Variants in PRDM5 observed in about 807,000 individuals in gnomAD.
PRDM5 encodes the protein PR/SET domain 5, also known as PR domain zinc finger protein 5.
PRDM5 carries 56 observed loss-of-function variants against 81.2 expected under a neutral mutation model. The observed-to-expected ratio is 0.69, with a 90% CI of 0.56 to 0.86. The LOEUF is 0.86. Ranked by LOEUF, PRDM5 falls within the 40% of genes least tolerant of loss-of-function variation. The pLI is 0.00. For missense variants in PRDM5, 697 were observed against 770.1 expected, an observed-to-expected ratio of 0.91 and a Z score of 1.12; for synonymous variants, 267 against 256.4, an observed-to-expected ratio of 1.04 and a Z score of -0.39.
At chr4:120,900,691 C>A (rs1179964518) in intron 2 of PRDM5, among the ~76,000 whole-genome samples, 3 of 152,132 alleles carry the variant, frequency 2.0e-5, no homozygotes, top group Non-Finnish European at 4.4e-5. Flanking sequence ...AACTCATCTG[C>A]TATGTACACT....
chr4:120,922,638 TCAA>T lies in PRDM5; in HGVS notation c.-33_-31del. On this transcript the variant is annotated 5_prime_UTR_variant, in exon 1 of 16. The change creates a premature stop within an existing upstream ORF in the 5' untranslated region. Transcript: ENST00000264808. ...CCGGGCGCGGCGGCCGCCGCCTCTC[TCAA>T]CACCGGCGCTTAGCGCCCGGCAGGC... 5.7e-6 allele frequency: 9 copies of T among 1,576,118 alleles called. No homozygotes were observed. The highest frequency in any genetic ancestry group is 7.7e-6 in the Non-Finnish European group (9 of 1,161,992).
At chr4:120,850,075 T>C (rs537637426) in intron 3 of PRDM5, among the ~76,000 whole-genome samples, 18 of 152,156 alleles carry the variant, frequency 1.2e-4, no homozygotes, top group Middle Eastern at 3.4e-3. Context: ...TATAATCAAG[T>C]CTCCAAGAAG....
intron 2 of PRDM5, among the ~76,000 whole-genome samples, chr4:120,854,958 G>A (rs1384167420): frequency 6.6e-6 from 1 of 152,032 alleles, no homozygotes; most frequent in Non-Finnish European, 1.5e-5. Flanking sequence ...TTATGAGGCT[G>A]GAACAGAAGG....
At chr4:120,885,134 C>CAAAAAAAAAAAAAAAAAAAAAAAAAA (rs60623556) in intron 2 of PRDM5, among the ~76,000 whole-genome samples, 2 of 50,708 alleles carry the variant, frequency 3.9e-5, no homozygotes, top group Admixed American at 2.3e-4. Context: ...GACTCCGTAT[C>CAAAAAAAAAAAAAAAAAAAAAAAAAA]AAAAAAAAAA....
chr4:120,800,788 A>T (rs913991730), intron 8 of PRDM5, among the ~76,000 whole-genome samples: 1 of 152,220 alleles, frequency 6.6e-6, no homozygotes, highest in Non-Finnish European at 1.5e-5. Context: ...TCATTTAACT[A>T]TATGTGTATC....
rs1725127479 is a variant in PRDM5, at chr4:120,922,685, G to A, written c.-77C>T. 1.3e-6 allele frequency: 2 copies of A among 1,540,192 alleles called. No homozygotes were observed. The highest frequency in any genetic ancestry group is 1.8e-6 in the Non-Finnish European group (2 of 1,138,320). ...GGCAGGCGGCACATCGAAATTTGGG[G>A]TGCCAGGGTAGAGGGGAGAAACCGG... On this transcript the variant is annotated 5_prime_UTR_variant, in exon 1 of 16. Transcript: ENST00000264808.
At chr4:120,871,468 G>C (rs1346028922) in intron 2 of PRDM5, among the ~76,000 whole-genome samples, 1 of 152,166 alleles carries the variant, frequency 6.6e-6, no homozygotes, top group Non-Finnish European at 1.5e-5. Flanking sequence ...CCAGTACACA[G>C]TACCAAAGCA....
Position 120,710,255 on chromosome 4 carries a change from A to C in PRDM5, c.1728+54T>G, listed in dbSNP as rs984896080. 1.7e-4 allele frequency: 242 copies of C among 1,418,770 alleles called. 1 individual carries two copies. Among genetic ancestry groups the C allele is most frequent in the Middle Eastern group, 1.2e-3 (6 of 5,142 alleles). The allele number at this position is 1,418,770 out of a possible 1,614,324, so 87.9% of individuals were successfully genotyped here. ...CACACACACATACACACACACACAC[A>C]CCCCTACTTTCTGTTATTGGAAGAC... On this transcript the variant is annotated intron_variant, in intron 15 of 15. Transcript: ENST00000264808.
intron 1 of PRDM5, among the ~76,000 whole-genome samples, chr4:120,912,296 C>A (rs781349373): frequency 2.0e-5 from 3 of 152,154 alleles, no homozygotes; most frequent in Non-Finnish European, 4.4e-5. Context: ...TATATGCCCC[C>A]TACTGTTATG....
At chr4:120,891,314 G>GT (rs1764018394) in intron 2 of PRDM5, among the ~76,000 whole-genome samples, 1 of 152,054 alleles carries the variant, frequency 6.6e-6, no homozygotes, top group African/African-American at 2.4e-5. Context: ...TCTAATTTGT[G>GT]TGCATAGAGG....
intron 14 of PRDM5, among the ~76,000 whole-genome samples, chr4:120,744,534 C>T (rs1290042892): frequency 2.6e-5 from 4 of 151,406 alleles, no homozygotes; most frequent in Non-Finnish European, 4.4e-5. Context: ...AGACCGCTAG[C>T]AAGACTAATA....
At chr4:120,772,225 G>A (rs752693002) in intron 13 of PRDM5, among the ~76,000 whole-genome samples, 2 of 152,146 alleles carry the variant, frequency 1.3e-5, no homozygotes, top group Admixed American at 6.5e-5. Context: ...AGAGTCCCCT[G>A]AACCCTGACT....
At chr4:120,807,412 G>T (rs1282871305) in intron 8 of PRDM5, among the ~76,000 whole-genome samples, 1 of 152,206 alleles carries the variant, frequency 6.6e-6, no homozygotes, top group East Asian at 1.9e-4. Context: ...ACATGCACAC[G>T]TATGTTTATT....
chr4:120,888,576 G>C (rs1763716149), intron 2 of PRDM5, among the ~76,000 whole-genome samples: 1 of 152,084 alleles, frequency 6.6e-6, no homozygotes, highest in South Asian at 2.1e-4. Flanking sequence ...TGCTATGTAG[G>C]TTCTTGTACA....
chr4:120,793,354 A>G (rs1438919311), intron 10 of PRDM5, among the ~76,000 whole-genome samples: 2 of 152,186 alleles, frequency 1.3e-5, no homozygotes, highest in East Asian at 1.9e-4. Flanking sequence ...AAACAAGCTG[A>G]GGGCTCCCAC....
chr4:120,900,644 G>A (rs1467285592), intron 2 of PRDM5, among the ~76,000 whole-genome samples: 1 of 152,120 alleles, frequency 6.6e-6, no homozygotes, highest in African/African-American at 2.4e-5. Flanking sequence ...ACTGATAAAT[G>A]GATGTCTTAA....
chr4:120,698,728 G>A (rs146715122), intron 15 of PRDM5, among the ~76,000 whole-genome samples: 12 of 152,242 alleles, frequency 7.9e-5, no homozygotes, highest in African/African-American at 2.9e-4. Context: ...TGGTTTGACT[G>A]TAAATGTGGC....
At chr4:120,920,009 T>C (rs1334735545) in intron 1 of PRDM5, among the ~76,000 whole-genome samples, 1 of 151,986 alleles carries the variant, frequency 6.6e-6, no homozygotes, top group Non-Finnish European at 1.5e-5. Flanking sequence ...CAAGGAAAAA[T>C]CTAGTAGGAC....
chr4:120,707,219 AG>A (rs1736304742), intron 15 of PRDM5, among the ~76,000 whole-genome samples: 1 of 152,142 alleles, frequency 6.6e-6, no homozygotes. Flanking sequence ...GCATATTAAA[AG>A]GGTTCTAAAT....
Sources: gnomAD v4.1 joint callset for allele counts (sites outside exome capture counted in the v4.1 genomes callset) on GRCh38, gnomAD v4.1.1 for gene constraint, MANE v1.5 for transcripts, NCBI Gene and HGNC (gene_info 2026-07-23, HGNC 2026-07-21) for gene names.